Variants in DPH5 observed in about 807,000 individuals in gnomAD.
DPH5 encodes diphthine methyl ester synthase.
DPH5 carries 31 observed loss-of-function variants against 31.6 expected under a neutral mutation model. The ratio of observed to expected loss-of-function variants is 0.98; its 90% confidence interval spans 0.74 to 1.32. The LOEUF (loss-of-function observed/expected upper bound fraction) is 1.32, where lower values mean the gene tolerates loss of function less well. DPH5 is among the 40% of genes most tolerant of loss of function. The pLI, the probability that DPH5 is intolerant of heterozygous loss-of-function variation, is 0.00. For missense variants in DPH5, 309 were observed against 335.7 expected (o/e 0.92, Z 0.62); for synonymous variants, 120 against 115.0 (o/e 1.04, Z -0.28).
rs545369662 is a variant in DPH5, at chr1:101,025,579, G to A, written c.-24+104C>T. The A allele has an allele frequency of 4.6e-6, 5 of 1,078,816 alleles. No individual in the cohort carries two copies. In the African/African-American group the frequency reaches 4.8e-5, roughly 10 times the overall value. 66.8% of individuals were successfully genotyped at this position (1,078,816 alleles called of 1,614,324 possible). A position where few individuals can be genotyped will look rare whatever the true frequency, so the allele number is the denominator to read the frequency against. On this transcript the variant is annotated intron_variant, in intron 1 of 7. Transcript: ENST00000370109. ...CAAGAGAAGAGGCAAGTCACAAGGA[G>A]GGGTTTGGGAACCTTATGTCACGCT...
Position 101,001,588 on chromosome 1 carries a change from C to G in DPH5, c.370-1G>C, listed in dbSNP as rs1246823545. On this transcript the variant is annotated splice_acceptor_variant, in intron 4 of 7. Transcript: ENST00000370109. LOFTEE classifies it high-confidence loss of function. ...AAACTGTCTCTCCAAACTTATATAACTAGAAAAAAAAACATTAATTAATGA... is the reference window on the plus strand; with the variant it reads ...AAACTGTCTCTCCAAACTTATATAAGTAGAAAAAAAAACATTAATTAATGA... The G allele has an allele frequency of 6.4e-7, 1 of 1,554,346 alleles. No homozygotes were observed. The highest frequency in any genetic ancestry group is 8.8e-7 in the Non-Finnish European group (1 of 1,139,180).
chr1:100,993,559 AATATATATATAT>A (rs10527775), intron 6 of DPH5, among the ~76,000 whole-genome samples: 1,811 of 56,550 alleles, frequency 0.032, 144 homozygotes, highest in African/African-American at 0.1. Context: ...CGAAAATATA[AATATATATATAT>A]ATATATATAT....
chr1:100,994,980 T>C, intron 6 of DPH5, 130 bp downstream of exon 6: 1 of 617,932 alleles, frequency 1.6e-6, no homozygotes. Context: ...AGAATAAAAA[T>C]GCTTAATGTT....
chr1:101,019,028 G>T (rs1400236867), intron 3 of DPH5, among the ~76,000 whole-genome samples: 1 of 152,096 alleles, frequency 6.6e-6, no homozygotes, highest in Non-Finnish European at 1.5e-5. Context: ...ACAACATAGG[G>T]ATAAAAATTT....
chr1:101,015,225 A>T (rs1432993869), intron 3 of DPH5, among the ~76,000 whole-genome samples: 1 of 150,018 alleles, frequency 6.7e-6, no homozygotes, highest in East Asian at 1.9e-4. Context: ...GCCTCACAAA[A>T]TATATTTCTT....
At chr1:101,002,047 A>C (rs1658910661) in intron 4 of DPH5, among the ~76,000 whole-genome samples, 1 of 152,182 alleles carries the variant, frequency 6.6e-6, no homozygotes, top group African/African-American at 2.4e-5. Context: ...TAAACACTTA[A>C]ATCTAGCCTG....
At chr1:101,010,284 C>A (rs978793068) in intron 4 of DPH5, among the ~76,000 whole-genome samples, 2 of 152,106 alleles carry the variant, frequency 1.3e-5, no homozygotes, top group Non-Finnish European at 2.9e-5. Flanking sequence ...GGAAAATTTT[C>A]ATCAGGAATA....
At chr1:100,990,768 T>G in intron 7 of DPH5, 137 bp from the exon 8 acceptor site, 1 of 759,712 alleles carries the variant, frequency 1.3e-6, no homozygotes, top group Non-Finnish European at 2.1e-6. Context: ...TATGGACCAG[T>G]TATCCATTAA....
intron 3 of DPH5, among the ~76,000 whole-genome samples, chr1:101,015,783 A>G (rs921588258): frequency 3.3e-5 from 5 of 152,214 alleles, no homozygotes; most frequent in Admixed American, 6.5e-5. Context: ...TCCACAGCTC[A>G]TACATTTATG....
At chr1:101,012,568 T>C (rs1659778470) in intron 4 of DPH5, among the ~76,000 whole-genome samples, 1 of 152,236 alleles carries the variant, frequency 6.6e-6, no homozygotes, top group Admixed American at 6.5e-5. Context: ...TTTATAGTTC[T>C]ATGAACAGCA....
At chr1:100,992,357 AAT>A (rs1488268011) in intron 7 of DPH5, among the ~76,000 whole-genome samples, 2 of 152,136 alleles carry the variant, frequency 1.3e-5, no homozygotes, top group Non-Finnish European at 2.9e-5. Context: ...TTTATACAGT[AAT>A]ATATTTATAT....
chr1:100,994,859 A>C (rs1043294874), intron 6 of DPH5, among the ~76,000 whole-genome samples: 2 of 152,156 alleles, frequency 1.3e-5, no homozygotes, highest in African/African-American at 4.8e-5. Context: ...CCAACGCATT[A>C]ATTCATTCCA....
At chr1:101,005,962 G>A (rs945368092) in intron 4 of DPH5, among the ~76,000 whole-genome samples, 15 of 152,288 alleles carry the variant, frequency 9.8e-5, no homozygotes, top group East Asian at 1.9e-4. Flanking sequence ...TCTCGTGATA[G>A]TGAGTTCTCA....
At chr1:100,999,205 T>G (rs538082593) in intron 5 of DPH5, among the ~76,000 whole-genome samples, 2 of 152,342 alleles carry the variant, frequency 1.3e-5, no homozygotes, top group African/African-American at 4.8e-5. Context: ...AGCCCAGCAC[T>G]TTGGGGGGCC....
At chr1:101,022,254 T>C (rs1403016781) in intron 2 of DPH5, among the ~76,000 whole-genome samples, 2 of 152,116 alleles carry the variant, frequency 1.3e-5, no homozygotes, top group African/African-American at 4.8e-5. Context: ...TGAGAAACAA[T>C]AGAAAATTAG....
rs1657503902 is a variant in DPH5 at position 100,989,761 on chromosome 1, GT to G, written c.*646del. 1 of 152,164 alleles carries G rather than the reference GT, an allele frequency of 6.6e-6. No homozygotes were observed. The highest frequency in any genetic ancestry group is 6.5e-5 in the Admixed American group (1 of 15,272). The allele number at this position is 152,164 out of a possible 1,614,324, so 9.4% of individuals were successfully genotyped here. A position where few individuals can be genotyped will look rare whatever the true frequency, so the allele number is the denominator to read the frequency against. On this transcript the variant is annotated 3_prime_UTR_variant, in exon 8 of 8. Transcript: ENST00000370109. Reference sequence around the variant, plus strand: ...GTTAACAACCACCTTGTATAAATTGGTTTCATAAATAAAAACTGCTCTTAAA... The same window carrying G: ...GTTAACAACCACCTTGTATAAATTGGTTCATAAATAAAAACTGCTCTTAAA...
intron 2 of DPH5, 62 bp from the exon 3 acceptor site, chr1:101,021,827 C>CACACAA: frequency 8.6e-7 from 1 of 1,161,868 alleles, no homozygotes; most frequent in Non-Finnish European, 1.2e-6. Context: ...AACACACACA[C>CACACAA]ACACACACAC....
At chr1:101,000,164 A>G (rs911852121) in intron 5 of DPH5, among the ~76,000 whole-genome samples, 2 of 151,834 alleles carry the variant, frequency 1.3e-5, no homozygotes, top group East Asian at 1.9e-4. Context: ...AAAAAGTGGC[A>G]AACAGAAATC....
intron 4 of DPH5, among the ~76,000 whole-genome samples, chr1:101,010,900 C>T (rs1570686688): frequency 6.6e-6 from 1 of 152,130 alleles, no homozygotes. Flanking sequence ...AAGTATGGTA[C>T]CTGTAGCAAT....
Sources: allele counts gnomAD v4.1 joint callset (sites outside exome capture counted in the v4.1 genomes callset), GRCh38; gene constraint gnomAD v4.1.1; transcripts MANE v1.5; gene names NCBI Gene and HGNC (gene_info 2026-07-23, HGNC 2026-07-21).